PON1: variants seen among roughly 807,000 people sequenced by gnomAD.
The protein encoded by PON1 is serum paraoxonase/arylesterase 1.
In PON1, 37 loss-of-function variants were observed where a neutral mutation model predicts 39.2. That is an observed-to-expected ratio of 0.94 (90% CI 0.73 to 1.24). PON1 has a LOEUF of 1.24. PON1 is among the 50% of genes most tolerant of loss of function. The pLI is 0.00. For synonymous variants in PON1, 148 were observed against 152.2 expected (o/e 0.97, Z 0.21); for missense variants, 397 against 413.5 (o/e 0.96, Z 0.35).
At chr7:95,301,553 C>T (rs1194794255) in intron 8 of PON1, among the ~76,000 whole-genome samples, 1 of 152,136 alleles carries the variant, frequency 6.6e-6, no homozygotes, top group Non-Finnish European at 1.5e-5. Flanking sequence ...CCTGTTCTGG[C>T]TTCTGGTATT....
At chr7:95,323,096 A>G (rs915428648) in intron 1 of PON1, among the ~76,000 whole-genome samples, 1 of 152,074 alleles carries the variant, frequency 6.6e-6, no homozygotes, top group Non-Finnish European at 1.5e-5. Context: ...TTCTGATTCA[A>G]TAGTGTGGGG....
intron 7 of PON1, chr7:95,302,548 G>C (rs566066562): frequency 5.5e-6 from 3 of 549,182 alleles, no homozygotes; most frequent in East Asian, 6.4e-5. Context: ...GAATTGGGTA[G>C]GGTGAAGATA....
chr7:95,317,594 GAAA>G (rs1738308173), intron 2 of PON1, among the ~76,000 whole-genome samples: 1 of 75,184 alleles, frequency 1.3e-5, no homozygotes, highest in South Asian at 3.5e-4. Flanking sequence ...AAAAAAAAAA[GAAA>G]GAAAAAGAAA....
chr7:95,317,573 C>CAAAAAAAAAAAAAAAAA (rs869140411), intron 2 of PON1, among the ~76,000 whole-genome samples: 3 of 46,858 alleles, frequency 6.4e-5, no homozygotes, highest in Non-Finnish European at 1.4e-4. Context: ...TCTAAAAGAA[C>CAAAAAAAAAAAAAAAAA]AAAAAAAAAA....
At chr7:95,315,296 T>C (rs772821237) in intron 4 of PON1, 26 bp downstream of exon 4, 2 of 1,598,954 alleles carry the variant, frequency 1.3e-6, no homozygotes, top group Non-Finnish European at 1.7e-6. Flanking sequence ...TTGGTTTTGG[T>C]TTTAATAAAT....
chr7:95,302,141 T>C, intron 8 of PON1, 64 bp downstream of exon 8: 1 of 1,218,128 alleles, frequency 8.2e-7, no homozygotes, highest in Non-Finnish European at 1.1e-6. Flanking sequence ...GAGAATTATG[T>C]TGTCAACTGA....
At chr7:95,321,199 A>T (rs1807889293) in intron 1 of PON1, among the ~76,000 whole-genome samples, 2 of 152,172 alleles carry the variant, frequency 1.3e-5, no homozygotes, top group South Asian at 4.1e-4. Flanking sequence ...GGAGGTCATT[A>T]ATCTATTCAT....
chr7:95,303,978 G>GT (rs1410791855), intron 7 of PON1, among the ~76,000 whole-genome samples: 1 of 152,092 alleles, frequency 6.6e-6, no homozygotes, highest in Non-Finnish European at 1.5e-5. Flanking sequence ...TTCTATCGTG[G>GT]TAAAATATAT....
At chr7:95,322,876 G>A (rs1206450065) in intron 1 of PON1, among the ~76,000 whole-genome samples, 1 of 152,146 alleles carries the variant, frequency 6.6e-6, no homozygotes, top group Non-Finnish European at 1.5e-5. Flanking sequence ...CATCCCTTGT[G>A]TGCTTCCTTA....
intron 7 of PON1, among the ~76,000 whole-genome samples, chr7:95,302,911 CTAAATA>C (rs2116300634): frequency 6.6e-6 from 1 of 152,268 alleles, no homozygotes; most frequent in African/African-American, 2.4e-5. Context: ...TGTTTATTCT[CTAAATA>C]TAAGTTGCAA....
chr7:95,319,131 C>CTTTTT (rs369225812), intron 1 of PON1, among the ~76,000 whole-genome samples: 53,648 of 138,102 alleles, frequency 0.39, 11,719 homozygotes, highest in East Asian at 0.79. Flanking sequence ...AAACAATAAA[C>CTTTTT]TTTTTTTTTT....
At chr7:95,319,728 A>G (rs1235241831) in intron 1 of PON1, among the ~76,000 whole-genome samples, 1 of 152,198 alleles carries the variant, frequency 6.6e-6, no homozygotes, top group Non-Finnish European at 1.5e-5. Flanking sequence ...GCAAATATTG[A>G]CAATAAGGAA....
chr7:95,322,346 GTGTGTATA>G (rs1563602040), intron 1 of PON1, among the ~76,000 whole-genome samples: 1 of 136,170 alleles, frequency 7.3e-6, no homozygotes, highest in Non-Finnish European at 1.5e-5. Flanking sequence ...GTGTGTGTGT[GTGTGTATA>G]TATATATATA....
At chr7:95,309,314 G>GAAAAAA (rs199955176) in intron 5 of PON1, among the ~76,000 whole-genome samples, 1 of 139,148 alleles carries the variant, frequency 7.2e-6, no homozygotes, top group Non-Finnish European at 1.6e-5. Flanking sequence ...ATTACAACAT[G>GAAAAAA]AAAAAAAAAA....
chr7:95,322,446 A>T (rs1807920028), intron 1 of PON1, among the ~76,000 whole-genome samples: 1 of 152,008 alleles, frequency 6.6e-6, no homozygotes, highest in Non-Finnish European at 1.5e-5. Flanking sequence ...GTGGTAAAAT[A>T]ACTTGAAAGT....
rs369664811 is a variant in PON1, at chr7:95,318,273, A to G, written c.145+50T>C. On this transcript the variant is annotated intron_variant, in intron 2 of 8. Transcript: ENST00000222381. ...AGGCACATTAATCACACAAAGAGCA[A>G]AAAAATACCGGAAGTTCAAATGAGA... The G allele has an allele frequency of 3.3e-5, 50 of 1,507,074 alleles. No homozygotes were observed. The African/African-American group carries it at 5.9e-4, about 18-fold the overall frequency. The allele number at this position is 1,507,074 out of a possible 1,614,324, so 93.4% of individuals were successfully genotyped here.
chr7:95,310,518 G>A (rs3917533), intron 5 of PON1, among the ~76,000 whole-genome samples: 42,179 of 152,076 alleles, frequency 0.28, 6,181 homozygotes, highest in East Asian at 0.51. Context: ...GACCTGAGCT[G>A]GGGTTCCTAC....
At chr7:95,302,096 CA>C (rs770841829) in intron 8 of PON1, 108 bp downstream of exon 8, 15,129 of 314,318 alleles carry the variant, frequency 0.048, no homozygotes, top group Middle Eastern at 0.058. Flanking sequence ...TACTCTGTCA[CA>C]AAAAAAAAAA....
At chr7:95,321,216 T>A (rs1807889649) in intron 1 of PON1, among the ~76,000 whole-genome samples, 1 of 152,130 alleles carries the variant, frequency 6.6e-6, no homozygotes, top group African/African-American at 2.4e-5. Context: ...TCATGAGGGA[T>A]CCATCTTCAT....
Sources: gnomAD v4.1 joint callset for allele counts (sites outside exome capture counted in the v4.1 genomes callset) on GRCh38, gnomAD v4.1.1 for gene constraint, MANE v1.5 for transcripts, NCBI Gene and HGNC (gene_info 2026-07-23, HGNC 2026-07-21) for gene names.